The following CFAP47 variants were observed in gnomAD, a reference collection of about 807,000 sequenced individuals.
CFAP47 encodes cilia and flagella associated protein 47, also known as cilia- and flagella-associated protein 47.
CFAP47 carries 29 observed loss-of-function variants against 148.1 expected under a neutral mutation model. The observed-to-expected ratio is 0.20, with a 90% CI of 0.15 to 0.27. The LOEUF (loss-of-function observed/expected upper bound fraction) is 0.27, where lower values mean the gene tolerates loss of function less well. CFAP47 is among the 10% of genes least tolerant of loss of function. The pLI, the probability that CFAP47 is intolerant of heterozygous loss-of-function variation, is 1.00. For missense variants in CFAP47, 1,872 were observed against 1,697.5 expected, an observed-to-expected ratio of 1.10 and a Z score of -1.81; for synonymous variants, 664 against 577.3, an observed-to-expected ratio of 1.15 and a Z score of -2.15.
intron 4 of CFAP47, among the ~76,000 whole-genome samples, chrX:35,950,465 C>T (rs978911843): frequency 2.7e-5 from 3 of 111,363 alleles, no homozygotes; most frequent in Non-Finnish European, 3.8e-5. Flanking sequence ...TCCCATGCTC[C>T]AGCAATTCCC....
chrX:35,959,893 A>C (rs896834053), intron 8 of CFAP47, among the ~76,000 whole-genome samples: 6 of 109,154 alleles, frequency 5.5e-5, no homozygotes, highest in South Asian at 3.9e-4. Context: ...AAAAAAAAAA[A>C]AAAAAAAACT....
At chrX:36,372,144 T>G (rs1941977307) in intron 62 of CFAP47, among the ~76,000 whole-genome samples, 1 of 108,641 alleles carries the variant, frequency 9.2e-6, no homozygotes, top group African/African-American at 3.3e-5. Flanking sequence ...ATTAACACTT[T>G]TATACCACAG....
chrX:36,362,175 A>G (rs1001786903), intron 61 of CFAP47, among the ~76,000 whole-genome samples: 3 of 112,404 alleles, frequency 2.7e-5, no homozygotes. Flanking sequence ...ACAATTGAAA[A>G]TATTATTTGT....
Position 36,200,942 on chromosome X carries a change from T to C in CFAP47, c.6437-332T>C, listed in dbSNP as rs183269903. ...CTTGGGAGTTTTTGACAGGTGTCTTTTTTTTTTCCACATTTATGTCTACTC... is the reference window on the plus strand; with the variant it reads ...CTTGGGAGTTTTTGACAGGTGTCTTCTTTTTTTCCACATTTATGTCTACTC... On this transcript the variant is annotated intron_variant, in intron 43 of 63. Transcript: ENST00000378653. 1.1e-3 allele frequency among the ~76,000 whole-genome samples: 120 copies of C among 110,966 alleles called. 1 individual carries two copies. Among genetic ancestry groups the C allele is most frequent in the African/African-American group, 3.7e-3 (112 of 30,609 alleles).
At chrX:36,110,966 CTT>C (rs2146802947) in intron 33 of CFAP47, among the ~76,000 whole-genome samples, 1 of 111,866 alleles carries the variant, frequency 8.9e-6, no homozygotes, top group African/African-American at 3.2e-5. Flanking sequence ...TGTCTTGAGA[CTT>C]TGCTTAAGTT....
chrX:36,270,008 A>C (rs1319002704), intron 49 of CFAP47, among the ~76,000 whole-genome samples: 2 of 112,201 alleles, frequency 1.8e-5, no homozygotes, highest in Admixed American at 9.5e-5. Context: ...TTTAATGCTG[A>C]GTAGTATTTA....
At chrX:36,183,258 G>C (rs766835039) in intron 40 of CFAP47, among the ~76,000 whole-genome samples, 1 of 111,205 alleles carries the variant, frequency 9.0e-6, no homozygotes, top group East Asian at 2.9e-4. Context: ...GGCAGAGGTT[G>C]CAGTGAGATG....
Position 36,306,774 on chromosome X carries a change from G to T in CFAP47, c.8085G>T (p.Leu2695=). The T allele has an allele frequency of 8.7e-7, 1 of 1,144,438 alleles. No homozygotes were observed. The highest frequency in any genetic ancestry group is 2.0e-5 in the South Asian group (1 of 50,956). 94.3% of individuals were successfully genotyped at this position (1,144,438 alleles called of 1,213,427 possible). A position where few individuals can be genotyped will look rare whatever the true frequency, so the allele number is the denominator to read the frequency against. Residue 2695 remains leucine (L), a splice_region_variant and synonymous_variant, in exon 55 of 64, where the codon CTG becomes CTT. Coordinates refer to ENST00000378653, the MANE Select transcript of CFAP47 (RefSeq NM_001304548.2). ...CTTTGCTTTTTCCATTTACACAGCT[G>T]ATCATATCTCCTCACTCCACCACAG... is the stretch of plus-strand genomic sequence containing the variant. ...FVLDINRKSQ[L]IISPHSTTEL... is the part of the protein sequence containing the mutation.
chrX:35,993,534 A>G (rs1240336077), intron 18 of CFAP47, among the ~76,000 whole-genome samples: 1 of 112,294 alleles, frequency 8.9e-6, no homozygotes, highest in East Asian at 2.8e-4. Context: ...ATTTTTCTAG[A>G]AATTAAGTTA....
intron 45 of CFAP47, among the ~76,000 whole-genome samples, chrX:36,227,435 TATAAG>T (rs1273703738): frequency 8.9e-6 from 1 of 112,145 alleles, no homozygotes; most frequent in African/African-American, 3.2e-5. Context: ...ATTCAATTAA[TATAAG>T]ATATGTAACA....
chrX:35,988,852 A>G (rs932750368), intron 15 of CFAP47, among the ~76,000 whole-genome samples: 1 of 111,947 alleles, frequency 8.9e-6, no homozygotes, highest in African/African-American at 3.2e-5. Context: ...GGATGTATGT[A>G]TTTCAAAAAA....
intron 37 of CFAP47, among the ~76,000 whole-genome samples, chrX:36,152,458 G>C (rs925067934): frequency 9.0e-6 from 1 of 111,284 alleles, no homozygotes; most frequent in Non-Finnish European, 1.9e-5. Context: ...TCCTTGATGG[G>C]GTACAGGACC....
At chrX:36,170,107 T>C (rs1482266674) in intron 39 of CFAP47, among the ~76,000 whole-genome samples, 1 of 111,241 alleles carries the variant, frequency 9.0e-6, no homozygotes, top group Non-Finnish European at 1.9e-5. Context: ...ACACACAAGT[T>C]CCAATGCAAC....
intron 8 of CFAP47, among the ~76,000 whole-genome samples, chrX:35,964,336 C>A (rs1936373482): frequency 1.8e-5 from 2 of 111,142 alleles, no homozygotes; most frequent in African/African-American, 6.5e-5. Flanking sequence ...CTGTTCATTT[C>A]TAAAGAATCC....
At chrX:35,999,121 A>G (rs1336534594) in intron 19 of CFAP47, among the ~76,000 whole-genome samples, 2 of 112,154 alleles carry the variant, frequency 1.8e-5, no homozygotes, top group Non-Finnish European at 3.8e-5. Context: ...GCTCATTTGC[A>G]TATATGCTCA....
chrX:36,271,566 T>G (rs1460067392), intron 49 of CFAP47, among the ~76,000 whole-genome samples: 1 of 111,963 alleles, frequency 8.9e-6, no homozygotes, highest in African/African-American at 3.2e-5. Flanking sequence ...TAAGGACAAG[T>G]GTACTTCAAA....
At position 36,360,012 on chromosome X, in the gene CFAP47, CAATATCTCTTT is replaced by C. The variant is rs782329583; in HGVS notation, c.8852-1316_8852-1306del. 5.0e-3 allele frequency among the ~76,000 whole-genome samples: 554 copies of C among 111,390 alleles called. 1 individual carries two copies. The highest frequency in any genetic ancestry group is 0.017 in the African/African-American group (531 of 30,660). On this transcript the variant is annotated intron_variant, in intron 60 of 63. Coordinates refer to ENST00000378653, the MANE Select transcript of CFAP47 (RefSeq NM_001304548.2). ...TTGTGATCCACCCACCTCAGCCTCC[CAATATCTCTTT>C]ATTTTAAAGGACAGATTTGTCAAGT...
chrX:36,058,856 A>T (rs1403783257), intron 26 of CFAP47, among the ~76,000 whole-genome samples: 1 of 111,924 alleles, frequency 8.9e-6, no homozygotes, highest in East Asian at 2.8e-4. Context: ...TGGTCATTTC[A>T]TCATGTCCTA....
intron 24 of CFAP47, among the ~76,000 whole-genome samples, chrX:36,036,596 G>A (rs1262505434): frequency 9.0e-6 from 1 of 111,536 alleles, no homozygotes; most frequent in Non-Finnish European, 1.9e-5. Flanking sequence ...TTTGAGGAAC[G>A]TTCTCAGAAT....
Sources: allele counts gnomAD v4.1 joint callset (sites outside exome capture counted in the v4.1 genomes callset), GRCh38; gene constraint gnomAD v4.1.1; transcripts MANE v1.5; gene names NCBI Gene and HGNC (gene_info 2026-07-23, HGNC 2026-07-21).